LRP1: variants seen among roughly 807,000 people sequenced by gnomAD.
The protein encoded by LRP1 is LDL receptor related protein 1.
A neutral mutation model predicts 541.5 loss-of-function variants in LRP1; 51 were observed. The observed-to-expected ratio is 0.09, with a 90% CI of 0.08 to 0.12. The LOEUF (loss-of-function observed/expected upper bound fraction) is 0.12. Ranked by LOEUF, LRP1 falls within the 10% of genes least tolerant of loss-of-function variation. The pLI is 1.00. For synonymous variants in LRP1, 2,219 were observed against 2,470.8 expected (o/e 0.90, Z 3.02); for missense variants, 3,878 against 6,376.2 (o/e 0.61, Z 13.34).
chr12:57,152,301 C>T (rs1309595472), intron 6 of LRP1, among the ~76,000 whole-genome samples: 1 of 152,078 alleles, frequency 6.6e-6, no homozygotes, highest in Non-Finnish European at 1.5e-5. Context: ...GGAGAGAAGG[C>T]CGGCCGTAGC....
In LRP1 at chr12:57,194,566, T is replaced by C; in HGVS notation, c.8069-11T>C. 1.9e-6 allele frequency: 3 copies of C among 1,612,648 alleles called. No homozygotes were observed. Among genetic ancestry groups the C allele is most frequent in the Non-Finnish European group, 2.5e-6 (3 of 1,179,858 alleles). On this transcript the variant is annotated splice_polypyrimidine_tract_variant and intron_variant, in intron 49 of 88. Coordinates refer to ENST00000243077, the MANE Select transcript of LRP1 (RefSeq NM_002332.3). ...GGTGAGCAGGGCCCTCACACCTGCC[T>C]CGCCCCCCAGGTGTGAAACGCCCCA...
At chr12:57,131,413 GA>G (rs957186779) in intron 1 of LRP1, among the ~76,000 whole-genome samples, 3 of 152,152 alleles carry the variant, frequency 2.0e-5, no homozygotes, top group Admixed American at 1.3e-4. Flanking sequence ...TTCTAGTGGG[GA>G]GGGCACCCCC....
intron 1 of LRP1, among the ~76,000 whole-genome samples, chr12:57,136,290 G>A (rs1484470511): frequency 1.3e-5 from 2 of 152,020 alleles, no homozygotes; most frequent in African/African-American, 2.4e-5. Flanking sequence ...TCCTGAACTC[G>A]GTCATTTTGG....
chr12:57,163,837 C>T (rs1354314080), intron 15 of LRP1, among the ~76,000 whole-genome samples: 1 of 152,086 alleles, frequency 6.6e-6, no homozygotes, highest in Non-Finnish European at 1.5e-5. Flanking sequence ...TTTTAACAAG[C>T]CTTGTTTTTT....
chr12:57,178,592 G>A lies in LRP1; in HGVS notation c.4595G>A (p.Arg1532His). The A allele has an allele frequency of 6.2e-7, 1 of 1,614,038 alleles. No homozygotes were observed. Among genetic ancestry groups the A allele is most frequent in the Non-Finnish European group, 8.5e-7 (1 of 1,179,964 alleles). Residue 1532 changes from arginine (R) to histidine (H), a missense_variant, in exon 27 of 89, where the codon CGC becomes CAC. Around this residue, in one of 13 missense-constraint regions of LRP1, gnomAD observed 54 missense variants for 167.7 expected, o/e 0.32. Coordinates refer to ENST00000243077, the MANE Select transcript of LRP1 (RefSeq NM_002332.3). The surrounding 1 kb of genome is among the most constrained non-coding windows in gnomAD (Gnocchi z 5.8). ...PFDLQVYHPSRQPMAPNPCEA... is the reference protein window; with the variant it reads ...PFDLQVYHPSHQPMAPNPCEA... ...GACCTGCAGGTGTACCACCCCTCCC[G>A]CCAGCCCATGGGTAAGGGGCTCGGG...
rs1406442614 is a variant in LRP1 at position 57,200,428 on chromosome 12, C to A, written c.10015-14C>A. 1.3e-6 allele frequency: 2 copies of A among 1,570,476 alleles called. No individual in the cohort carries two copies. The highest frequency in any genetic ancestry group is 1.3e-5 in the African/African-American group (1 of 74,134). Reference sequence around the variant, plus strand: ...GACCCCCACCAACCCCTCTTGCCCCCACCTGCCCTCCAGTTTGTATGCAAG... The same window carrying A: ...GACCCCCACCAACCCCTCTTGCCCCAACCTGCCCTCCAGTTTGTATGCAAG... On this transcript the variant is annotated splice_polypyrimidine_tract_variant and intron_variant, in intron 62 of 88. Coordinates refer to ENST00000243077, the MANE Select transcript of LRP1 (RefSeq NM_002332.3).
chr12:57,199,527 G>A, intron 61 of LRP1, 127 bp downstream of exon 61: 1 of 1,026,914 alleles, frequency 9.7e-7, no homozygotes, highest in Non-Finnish European at 1.4e-6. Context: ...ACTCCAGGAG[G>A]GTCTAGACAG....
rs143045870 is a variant in LRP1 at position 57,193,194 on chromosome 12, G to C, written c.7574G>C (p.Arg2525Pro). Residue 2525 changes from arginine (R) to proline (P), a missense_variant, in exon 46 of 89, where the codon CGA becomes CCA. Coordinates refer to ENST00000243077, the MANE Select transcript of LRP1 (RefSeq NM_002332.3). ...LTCRAVNSSC[R>P]AQDEFECANG... ...TCCCCAGCGGTGAATTCCTCTTGCC[G>C]AGCACAAGATGAGTTTGAGTGTGCC... 6 of 1,613,928 alleles carry C rather than the reference G, an allele frequency of 3.7e-6. No individual in the cohort carries two copies. Among genetic ancestry groups the C allele is most frequent in the South Asian group, 1.1e-5 (1 of 91,070 alleles).
rs1290372764 is a variant in LRP1, at chr12:57,199,382, G to T, written c.9847G>T (p.Ala3283Ser). 6.2e-7 allele frequency: 1 copy of T among 1,610,464 alleles called. No individual in the cohort carries two copies. The highest frequency in any genetic ancestry group is 1.7e-5 in the Admixed American group (1 of 59,940). The change falls in exon 61 of 89, where the codon GCC becomes TCC. Residue 3283 changes from alanine (A) to serine (S), a missense_variant. Physicochemically the swap from Ala to Ser is moderately conservative, Grantham distance 99. This residue lies in a region of LRP1 where 1,100 missense variants were observed against 1,827.4 expected (regional missense o/e 0.60). Transcript: ENST00000243077. Reference protein sequence around the residue: ...HRPMDLHVFHALRQPDVPNHP... With the variant: ...HRPMDLHVFHSLRQPDVPNHP... ...GCCCATGGACCTGCATGTCTTCCAT[G>T]CCCTGCGCCAGCCAGACGGTGAGCA...
At chr12:57,193,815 G>A in intron 47 of LRP1, 84 bp from the exon 48 acceptor site, 1 of 1,592,392 alleles carries the variant, frequency 6.3e-7, no homozygotes, top group Non-Finnish European at 8.6e-7. Context: ...GGCAGGTGCT[G>A]TGGGCCAGGA....
rs1204290083 is a variant in LRP1, at chr12:57,173,215, C to T, written c.3211C>T (p.Leu1071=). The stretch of plus-strand genomic sequence containing the variant: ...CCACACTGATGAGTTCCAGTGCCGG[C>T]TGGATGGACTATGCATCCCCCTGCG... ...GCHTDEFQCR[L]DGLCIPLRWR... is the part of the protein sequence containing the mutation. The change falls in exon 21 of 89, where the codon CTG becomes TTG. Residue 1071 remains leucine (L), a synonymous_variant. Coordinates refer to ENST00000243077, the MANE Select transcript of LRP1 (RefSeq NM_002332.3). This position sits in a 1 kb window ranked among gnomAD's most constrained non-coding sequence, Gnocchi z 4.7. The T allele has an allele frequency of 2.5e-6, 4 of 1,613,676 alleles. No individual in the cohort carries two copies. Among genetic ancestry groups the T allele is most frequent in the Non-Finnish European group, 3.4e-6 (4 of 1,179,920 alleles).
chr12:57,198,188 T>A lies in LRP1; in HGVS notation c.9315T>A (p.Asp3105Glu), dbSNP rs757666405. 1 of 1,613,002 alleles carries A rather than the reference T, an allele frequency of 6.2e-7. No homozygotes were observed. Among genetic ancestry groups the A allele is most frequent in the Admixed American group, 1.7e-5 (1 of 60,022 alleles). ...ACCGTACAGGCCTCAGCAACCCCGATGGGCTGGCTGTGGACTGGGTGGGTG... is the reference window on the plus strand; with the variant it reads ...ACCGTACAGGCCTCAGCAACCCCGAAGGGCTGGCTGTGGACTGGGTGGGTG... Reference protein sequence around the residue: ...VLHRTGLSNPDGLAVDWVGGN... With the variant: ...VLHRTGLSNPEGLAVDWVGGN... The change falls in exon 59 of 89, where the codon GAT (aspartate) becomes GAA (glutamate). Residue 3105 changes from aspartate to glutamate, a missense_variant. This residue lies in a region of LRP1 where 1,100 missense variants were observed against 1,827.4 expected (regional missense o/e 0.60). Transcript: ENST00000243077.
rs1269235559 is a variant in LRP1, at chr12:57,178,884, C to A, written c.4607-6C>A. 1 of 1,609,900 alleles carries A rather than the reference C, an allele frequency of 6.2e-7. No individual in the cohort carries two copies. Among genetic ancestry groups the A allele is most frequent in the Non-Finnish European group, 8.5e-7 (1 of 1,178,696 alleles). On this transcript the variant is annotated splice_region_variant and splice_polypyrimidine_tract_variant and intron_variant, in intron 27 of 88. Coordinates refer to ENST00000243077, the MANE Select transcript of LRP1 (RefSeq NM_002332.3). The surrounding 1 kb of genome is among the most constrained non-coding windows in gnomAD (Gnocchi z 5.8). ...TGGCTTCTTCTCTTCTCCACCCTGC[C>A]CCCAGCTCCCAATCCCTGTGAGGCC...
chr12:57,210,956 C>T, intron 83 of LRP1, 77 bp downstream of exon 83: 1 of 1,536,512 alleles, frequency 6.5e-7, no homozygotes. Context: ...GATGTTCAAC[C>T]TGTGCCTGGG....
chr12:57,196,108 C>A lies in LRP1; in HGVS notation c.8723C>A (p.Ser2908Ter). 6.2e-7 allele frequency: 1 copy of A among 1,605,996 alleles called. No individual in the cohort carries two copies. Among genetic ancestry groups the A allele is most frequent in the South Asian group, 1.1e-5 (1 of 90,734 alleles). ...GCAGAGCACAAGTGCAATGCCTCGT[C>A]ACAGTTCCTGTGCAGCAGTGGGCGC... ...TSQEHKCNASSQFLCSSGRCV... is the reference protein window; with the variant it reads ...TSQEHKCNAS The change falls in exon 55 of 89, where the codon TCA becomes TAA. Residue 2908 changes from serine to a stop codon, truncating the protein, a stop_gained. Transcript: ENST00000243077. LOFTEE classifies it high-confidence loss of function.
chr12:57,193,510 A>T, intron 46 of LRP1, 56 bp from the exon 47 acceptor site: 4 of 1,593,454 alleles, frequency 2.5e-6, no homozygotes, highest in Non-Finnish European at 3.4e-6. Context: ...CGTCTCAGGG[A>T]GGCAGCCCTT....
At chr12:57,150,717 T>C (rs2035510412) in intron 6 of LRP1, among the ~76,000 whole-genome samples, 1 of 151,888 alleles carries the variant, frequency 6.6e-6, no homozygotes, top group African/African-American at 2.4e-5. Context: ...ATGTGGGGAG[T>C]GTTTATCATG....
chr12:57,188,776 T>C (rs1182490103), intron 42 of LRP1, among the ~76,000 whole-genome samples: 2 of 152,130 alleles, frequency 1.3e-5, no homozygotes, highest in Non-Finnish European at 2.9e-5. Flanking sequence ...CATGAAGAGC[T>C]TCGTGGCTGT....
intron 61 of LRP1, 80 bp downstream of exon 61, chr12:57,199,480 T>C: frequency 6.9e-7 from 1 of 1,457,720 alleles, no homozygotes; most frequent in Non-Finnish European, 9.4e-7. Context: ...ATCCCTTCTC[T>C]AGCATTGACC....
Sources: allele counts gnomAD v4.1 joint callset (sites outside exome capture counted in the v4.1 genomes callset), GRCh38; gene constraint gnomAD v4.1.1; regional missense constraint gnomAD v4.1.1; non-coding constraint Gnocchi (gnomAD v3.1); transcripts MANE v1.5; gene names NCBI Gene and HGNC (gene_info 2026-07-23, HGNC 2026-07-21).